PTGIS: variants seen among roughly 807,000 people sequenced by gnomAD.
The protein encoded by PTGIS is prostacyclin synthase.
Under a neutral mutation model 50.3 loss-of-function variants are expected in PTGIS, and 45 were observed. The observed-to-expected ratio is 0.90, with a 90% confidence interval of 0.70 to 1.15. PTGIS has a LOEUF of 1.15. Ranked by LOEUF, PTGIS falls within the 50% of genes most tolerant of loss-of-function variation. PTGIS has a pLI of 0.00. For synonymous variants in PTGIS, 260 were observed against 267.7 expected, an observed-to-expected ratio of 0.97 and a Z score of 0.28; for missense variants, 668 against 661.3, an observed-to-expected ratio of 1.01 and a Z score of -0.11.
intron 1 of PTGIS, among the ~76,000 whole-genome samples, chr20:49,567,818 C>T (rs1982940041): frequency 1.3e-5 from 2 of 152,358 alleles, no homozygotes; most frequent in Admixed American, 6.5e-5. Flanking sequence ...ACCTACCGGA[C>T]CCCGCACCTT....
intron 8 of PTGIS, 133 bp from the exon 9 acceptor site, chr20:49,511,312 T>C: frequency 2.0e-6 from 2 of 997,254 alleles, no homozygotes; most frequent in Non-Finnish European, 3.0e-6. Context: ...GGTCAATTGA[T>C]AGGGGATTGG....
At chr20:49,546,175 T>C (rs1329067778) in intron 3 of PTGIS, among the ~76,000 whole-genome samples, 1 of 152,122 alleles carries the variant, frequency 6.6e-6, no homozygotes, top group Non-Finnish European at 1.5e-5. Flanking sequence ...AGACAAGCCC[T>C]CAACAGATGT....
At chr20:49,510,829 C>T (rs1472408817) in intron 9 of PTGIS, among the ~76,000 whole-genome samples, 199 bp downstream of exon 9, 2 of 152,220 alleles carry the variant, frequency 1.3e-5, no homozygotes, top group South Asian at 2.1e-4. Flanking sequence ...AATCCGAAAT[C>T]TGGCTTTTTT....
In PTGIS at chr20:49,514,300, A is replaced by G. The variant is rs1396005547; in HGVS notation, c.951T>C (p.Leu317=). 6.2e-7 allele frequency: 1 copy of G among 1,614,152 alleles called. No homozygotes were observed. Among genetic ancestry groups the G allele is most frequent in the East Asian group, 2.2e-5 (1 of 44,884 alleles). The change falls in exon 7 of 10, where the codon CTT becomes CTC. Residue 317 remains leucine (L), a synonymous_variant. Transcript: ENST00000244043. Reference sequence around the variant, plus strand: ...GCGAGACAGGCTGCTCCGCTTGCCAAAGGATACTCTCGAGCTCTCCGCGGA... The same window carrying G: ...GCGAGACAGGCTGCTCCGCTTGCCAGAGGATACTCTCGAGCTCTCCGCGGA... ...AAVRGELESI[L]WQAEQPVSQT...
chr20:49,532,367 T>C (rs144143806), intron 5 of PTGIS, among the ~76,000 whole-genome samples: 2 of 152,314 alleles, frequency 1.3e-5, no homozygotes, highest in Non-Finnish European at 2.9e-5. Flanking sequence ...AAAGAGAATT[T>C]TCCTTTTTGA....
chr20:49,517,559 A>G (rs551917652), intron 6 of PTGIS, among the ~76,000 whole-genome samples: 30 of 152,274 alleles, frequency 2.0e-4, no homozygotes, highest in Admixed American at 1.4e-3. Context: ...CCGTTTACTC[A>G]GGAAGACACT....
At chr20:49,521,481 C>G (rs545447889) in intron 6 of PTGIS, among the ~76,000 whole-genome samples, 96 of 152,336 alleles carry the variant, frequency 6.3e-4, no homozygotes, top group African/African-American at 2.3e-3. Flanking sequence ...AGGCTGTTCC[C>G]TGGACTTTCT....
intron 5 of PTGIS, among the ~76,000 whole-genome samples, chr20:49,533,684 T>A (rs902028972): frequency 7.9e-5 from 12 of 152,070 alleles, no homozygotes; most frequent in African/African-American, 2.9e-4. Flanking sequence ...TGGCCGGGTG[T>A]GGTGGCTCAC....
chr20:49,556,421 G>A (rs1177490044), intron 1 of PTGIS, among the ~76,000 whole-genome samples: 4 of 152,176 alleles, frequency 2.6e-5, no homozygotes, highest in African/African-American at 7.2e-5. Context: ...CCTGTGGAAA[G>A]CAAAGAATGT....
chr20:49,519,733 C>A (rs1485483524), intron 6 of PTGIS, among the ~76,000 whole-genome samples: 1 of 152,114 alleles, frequency 6.6e-6, no homozygotes, highest in Admixed American at 6.5e-5. Flanking sequence ...CTGAAACTTC[C>A]TCCTCCCGCC....
At position 49,507,928 on chromosome 20, in the gene PTGIS, G is replaced by A. The variant is rs372248049; in HGVS notation, c.1495C>T (p.Arg499Cys). ...EHDVPVRYRI[R>C]P ...TCCATCTGCTCCCTGTGTCATGGGC[G>A]GATGCGGTAGCGGACGGGCACGTCG... The change falls in exon 10 of 10, where the codon CGC becomes TGC. Residue 499 changes from arginine to cysteine, a missense_variant. Physicochemically the swap from Arg to Cys is radical, Grantham distance 180 (BLOSUM62 -3). Transcript: ENST00000244043. The A allele has an allele frequency of 1.2e-5, 19 of 1,612,172 alleles. No homozygotes were observed. Among genetic ancestry groups the A allele is most frequent in the African/African-American group, 1.1e-4 (8 of 74,928 alleles).
chr20:49,513,889 C>T (rs765683639), intron 7 of PTGIS, among the ~76,000 whole-genome samples: 5 of 152,200 alleles, frequency 3.3e-5, no homozygotes, highest in Non-Finnish European at 7.3e-5. Context: ...CAGTGGGAAA[C>T]AGGGCTGAGA....
At position 49,524,209 on chromosome 20, in the gene PTGIS, C is replaced by A. The variant is rs1260795827; in HGVS notation, c.704G>T (p.Ser235Ile). The change falls in exon 6 of 10, where the codon AGT (serine) becomes ATT (isoleucine). Residue 235 changes from serine to isoleucine, a missense_variant. Ser to Ile is a moderately radical substitution (Grantham distance 142). Transcript: ENST00000244043. Reference protein sequence around the residue: ...GDKDHMCSVKSRLWKLLSPAR... With the variant: ...GDKDHMCSVKIRLWKLLSPAR... ...TGGGGATAGCAGCTTCCACAGGCGA[C>A]TTTTGACACTGCACATGTGGTCCTT... The A allele has an allele frequency of 1.2e-6, 2 of 1,614,106 alleles. No individual in the cohort carries two copies. The highest frequency in any genetic ancestry group is 1.7e-6 in the Non-Finnish European group (2 of 1,180,050).
chr20:49,520,663 G>GTTTA (rs762097005), intron 6 of PTGIS, among the ~76,000 whole-genome samples: 12 of 151,906 alleles, frequency 7.9e-5, no homozygotes, highest in South Asian at 2.1e-4. Context: ...TTACTTGTTT[G>GTTTA]TTTATTTATT....
chr20:49,523,755 G>T (rs1231787582), intron 6 of PTGIS, among the ~76,000 whole-genome samples: 1 of 152,124 alleles, frequency 6.6e-6, no homozygotes, highest in East Asian at 1.9e-4. Context: ...CTCCAGCCTG[G>T]GCAACAGAGC....
At chr20:49,567,926 G>T in intron 1 of PTGIS, 117 bp downstream of exon 1, 2 of 985,632 alleles carry the variant, frequency 2.0e-6, no homozygotes, top group Non-Finnish European at 2.7e-6. Flanking sequence ...CGCCTTGCCC[G>T]GGATACTGGA....
At chr20:49,523,734 G>A (rs1230476695) in intron 6 of PTGIS, among the ~76,000 whole-genome samples, 2 of 151,946 alleles carry the variant, frequency 1.3e-5, no homozygotes, top group Non-Finnish European at 2.9e-5. Context: ...AGCTGAGATC[G>A]AGCCACTGCA....
chr20:49,522,818 A>T (rs1981685891), intron 6 of PTGIS, among the ~76,000 whole-genome samples: 1 of 152,116 alleles, frequency 6.6e-6, no homozygotes, highest in Non-Finnish European at 1.5e-5. Context: ...AGGTTAAAAG[A>T]TCAAAACCAT....
intron 5 of PTGIS, among the ~76,000 whole-genome samples, chr20:49,537,916 A>C (rs1186238559): frequency 2.0e-5 from 3 of 152,136 alleles, no homozygotes; most frequent in Admixed American, 2.0e-4. Flanking sequence ...GGATAAACAA[A>C]TTGTGGCATA....
Sources: allele counts gnomAD v4.1 joint callset (sites outside exome capture counted in the v4.1 genomes callset), GRCh38; gene constraint gnomAD v4.1.1; transcripts MANE v1.5; gene names NCBI Gene and HGNC (gene_info 2026-07-23, HGNC 2026-07-21).